KAT2B: variants seen among roughly 807,000 people sequenced by gnomAD.
KAT2B encodes the protein lysine acetyltransferase 2B.
Under a neutral mutation model 105.9 loss-of-function variants are expected in KAT2B, and 36 were observed. The ratio of observed to expected loss-of-function variants is 0.34; its 90% CI spans 0.26 to 0.45. KAT2B has a LOEUF of 0.45. Ranked by LOEUF, KAT2B falls within the 20% of genes least tolerant of loss-of-function variation. KAT2B has a pLI of 1.00. For synonymous variants in KAT2B, 397 were observed against 377.9 expected (o/e 1.05, Z -0.59); for missense variants, 820 against 1,021.6 (o/e 0.80, Z 2.69).
chr3:20,130,868 T>C (rs1236843327), intron 11 of KAT2B, among the ~76,000 whole-genome samples: 1 of 151,672 alleles, frequency 6.6e-6, no homozygotes, highest in Non-Finnish European at 1.5e-5. Flanking sequence ...TGTGTGTGTG[T>C]GTGCGTGCAT....
chr3:20,063,231 C>T (rs1419544641), intron 1 of KAT2B, among the ~76,000 whole-genome samples: 1 of 151,888 alleles, frequency 6.6e-6, no homozygotes, highest in Admixed American at 6.6e-5. Flanking sequence ...CTATGTCCAG[C>T]TAATTTTTAA....
intron 5 of KAT2B, 150 bp downstream of exon 5, chr3:20,101,618 C>G (rs1478605538): frequency 3.2e-6 from 2 of 633,076 alleles, no homozygotes; most frequent in East Asian, 5.5e-5. Flanking sequence ...CTTGCAAACT[C>G]CTGCTTTTCA....
intron 2 of KAT2B, among the ~76,000 whole-genome samples, chr3:20,082,278 G>A (rs763903349): frequency 9.2e-5 from 14 of 151,942 alleles, no homozygotes; most frequent in South Asian, 2.1e-4. Flanking sequence ...CAAATGATCC[G>A]CCCTCCTCAG....
intron 1 of KAT2B, among the ~76,000 whole-genome samples, chr3:20,048,344 A>C (rs1192924201): frequency 6.6e-6 from 1 of 152,256 alleles, no homozygotes; most frequent in African/African-American, 2.4e-5. Flanking sequence ...AGGGCAAAAC[A>C]GCAAAATCTG....
chr3:20,050,734 C>T (rs1332827956), intron 1 of KAT2B, among the ~76,000 whole-genome samples: 18 of 148,576 alleles, frequency 1.2e-4, no homozygotes, highest in South Asian at 6.4e-4. Flanking sequence ...GACGGAGTCT[C>T]GCTCTGTCAC....
intron 1 of KAT2B, among the ~76,000 whole-genome samples, chr3:20,057,382 T>C (rs2125169538): frequency 6.6e-6 from 1 of 152,160 alleles, no homozygotes. Flanking sequence ...AGATAATGAC[T>C]GATACCATGA....
chr3:20,116,027 T>C (rs1168810768), intron 7 of KAT2B, among the ~76,000 whole-genome samples: 3 of 152,200 alleles, frequency 2.0e-5, no homozygotes, highest in African/African-American at 4.8e-5. Context: ...ATTTGAATCA[T>C]ACTCTTTTTG....
chr3:20,078,344 G>T (rs577809206), intron 2 of KAT2B, among the ~76,000 whole-genome samples: 1 of 152,224 alleles, frequency 6.6e-6, no homozygotes, highest in East Asian at 1.9e-4. Flanking sequence ...AATTTGTCTA[G>T]TAATAATATT....
At chr3:20,088,865 C>T (rs113011713) in intron 2 of KAT2B, among the ~76,000 whole-genome samples, 232 of 152,240 alleles carry the variant, frequency 1.5e-3, no homozygotes, top group African/African-American at 5.3e-3. Flanking sequence ...AGTAGTTTTA[C>T]AGTTTCAGGT....
intron 3 of KAT2B, among the ~76,000 whole-genome samples, chr3:20,096,698 CCT>C (rs1204949713): frequency 1.3e-5 from 2 of 152,016 alleles, no homozygotes; most frequent in Admixed American, 6.6e-5. Context: ...CAGTGAGTTC[CCT>C]CTTTTGCTTT....
chr3:20,127,593 G>C, intron 11 of KAT2B, 44 bp downstream of exon 11: 2 of 1,587,238 alleles, frequency 1.3e-6, no homozygotes, highest in Non-Finnish European at 1.7e-6. Context: ...AGAATGTGGG[G>C]CTTCTCACTA....
chr3:20,092,572 T>G (rs1158532161), intron 2 of KAT2B, among the ~76,000 whole-genome samples: 1 of 151,224 alleles, frequency 6.6e-6, no homozygotes, highest in Admixed American at 6.6e-5. Context: ...ATATATATAT[T>G]TTATATATTT....
intron 2 of KAT2B, among the ~76,000 whole-genome samples, chr3:20,080,097 A>G (rs960979485): frequency 2.0e-5 from 3 of 152,044 alleles, no homozygotes; most frequent in Admixed American, 2.0e-4. Context: ...CCATTCCTGC[A>G]TACCTGGCTT....
At chr3:20,088,237 A>T (rs1407920421) in intron 2 of KAT2B, among the ~76,000 whole-genome samples, 1 of 152,222 alleles carries the variant, frequency 6.6e-6, no homozygotes, top group African/African-American at 2.4e-5. Flanking sequence ...TCTTTTTGAC[A>T]TACTGATTTC....
rs746343951 is a variant in KAT2B at position 20,040,749 on chromosome 3, T to C, written c.272T>C (p.Leu91Pro). Reference protein sequence around the residue: ...QLRSAPRAKKLEKLGVYSACK... With the variant: ...QLRSAPRAKKPEKLGVYSACK... ...CGCTCCGCTCCGCGGGCCAAGAAAC[T>C]GGAGAAACTCGGAGTGTACTCCGCC... Residue 91 changes from leucine to proline, a missense_variant, in exon 1 of 18, where the codon CTG becomes CCG. Physicochemically the swap from Leu to Pro is moderately conservative, Grantham distance 98. Coordinates refer to ENST00000263754, the MANE Select transcript of KAT2B (RefSeq NM_003884.5). 1 of 1,594,106 alleles carries C rather than the reference T, an allele frequency of 6.3e-7. No individual in the cohort carries two copies. Among genetic ancestry groups the C allele is most frequent in the Non-Finnish European group, 8.5e-7 (1 of 1,172,952 alleles).
rs116936364 is a variant in KAT2B at position 20,081,720 on chromosome 3, C to G, written c.430+9261C>G. Among the ~76,000 whole-genome samples, 1,219 of 152,042 alleles carry G rather than the reference C, an allele frequency of 8.0e-3. 73 individuals are homozygous for G. In the East Asian group the frequency reaches 0.16, roughly 20 times the overall value. On this transcript the variant is annotated intron_variant, in intron 2 of 17. Transcript: ENST00000263754. Reference sequence around the variant, plus strand: ...AGTAAAAGCAGGATTCTTTAATGATCAAATTCAGGTGGAGGAAAGATTGTA... The same window carrying G: ...AGTAAAAGCAGGATTCTTTAATGATGAAATTCAGGTGGAGGAAAGATTGTA...
chr3:20,079,364 C>G (rs1311906046), intron 2 of KAT2B, among the ~76,000 whole-genome samples: 4 of 151,944 alleles, frequency 2.6e-5, no homozygotes, highest in East Asian at 1.9e-4. Context: ...ACCACCATGC[C>G]CGGCTAATTT....
intron 2 of KAT2B, among the ~76,000 whole-genome samples, chr3:20,094,131 G>C (rs1698768545): frequency 6.6e-6 from 1 of 152,142 alleles, no homozygotes; most frequent in African/African-American, 2.4e-5. Context: ...ACCTGAGGCT[G>C]GATAATTTAT....
intron 13 of KAT2B, 111 bp downstream of exon 13, chr3:20,140,475 T>G (rs562968958): frequency 2.2e-5 from 24 of 1,088,956 alleles, no homozygotes; most frequent in Admixed American, 1.4e-4. Flanking sequence ...AAACTCTCGG[T>G]TTGCTGTGGG....
Sources: allele counts gnomAD v4.1 joint callset (sites outside exome capture counted in the v4.1 genomes callset), GRCh38; gene constraint gnomAD v4.1.1; transcripts MANE v1.5; gene names NCBI Gene and HGNC (gene_info 2026-07-23, HGNC 2026-07-21).